Variants in TBC1D23 observed in about 807,000 individuals in gnomAD.
TBC1D23 encodes the protein HCV non-structural protein 4A-transactivated protein 1.
TBC1D23 carries 55 observed loss-of-function variants against 91.4 expected under a neutral mutation model. The observed-to-expected ratio is 0.60, with a 90% CI of 0.48 to 0.75. The LOEUF (loss-of-function observed/expected upper bound fraction) is 0.75. Among genes scored for constraint, TBC1D23 ranks in the 30% least tolerant of loss-of-function variants. TBC1D23 has a pLI of 0.00. For missense variants in TBC1D23, 725 were observed against 836.1 expected (o/e 0.87, Z 1.64); for synonymous variants, 289 against 281.0 (o/e 1.03, Z -0.28).
At position 100,268,485 on chromosome 3, in the gene TBC1D23, G is replaced by A. The variant is rs555748506; in HGVS notation, c.53+7414G>A. On this transcript the variant is annotated intron_variant, in intron 1 of 18. Coordinates refer to ENST00000394144, the MANE Select transcript of TBC1D23 (RefSeq NM_001199198.3). ...GAGAATTGTCCAAATGTTGCAAAGTGTTGTCACTTCATTTGCTGTAGTTGT... is the reference window on the plus strand; with the variant it reads ...GAGAATTGTCCAAATGTTGCAAAGTATTGTCACTTCATTTGCTGTAGTTGT... 8.5e-5 allele frequency among the ~76,000 whole-genome samples: 13 copies of A among 152,250 alleles called. No individual in the cohort carries two copies. The South Asian group carries it at 2.5e-3, about 29-fold the overall frequency.
At chr3:100,302,294 A>G in intron 11 of TBC1D23, 57 bp downstream of exon 11, 3 of 1,381,230 alleles carry the variant, frequency 2.2e-6, no homozygotes, top group Non-Finnish European at 2.9e-6. Context: ...CCTTTAAAAA[A>G]TTTACATAGA....
intron 1 of TBC1D23, among the ~76,000 whole-genome samples, chr3:100,263,652 G>A (rs570611237): frequency 6.6e-6 from 1 of 152,222 alleles, no homozygotes; most frequent in African/African-American, 2.4e-5. Context: ...CACCTTTTAA[G>A]AATCAGTGAC....
At chr3:100,270,022 T>C (rs138671611) in intron 1 of TBC1D23, among the ~76,000 whole-genome samples, 11 of 152,216 alleles carry the variant, frequency 7.2e-5, no homozygotes, top group African/African-American at 2.7e-4. Flanking sequence ...CTTACAGTGA[T>C]TTACATTCTA....
At chr3:100,272,629 T>C (rs558665861) in intron 1 of TBC1D23, among the ~76,000 whole-genome samples, 1 of 151,974 alleles carries the variant, frequency 6.6e-6, no homozygotes, top group Admixed American at 6.6e-5. Context: ...GTTCAGCATA[T>C]GGAGGATCCC....
At chr3:100,284,915 A>G (rs955911161) in intron 4 of TBC1D23, among the ~76,000 whole-genome samples, 1 of 152,178 alleles carries the variant, frequency 6.6e-6, no homozygotes, top group Non-Finnish European at 1.5e-5. Context: ...CCTAGGCATC[A>G]GTTTGTTTAG....
At chr3:100,274,473 T>G (rs1181606041) in intron 1 of TBC1D23, among the ~76,000 whole-genome samples, 1 of 152,144 alleles carries the variant, frequency 6.6e-6, no homozygotes, top group African/African-American at 2.4e-5. Context: ...TCAGTGTACA[T>G]TAGTATTGAG....
At chr3:100,323,231 T>A (rs1207115917) in intron 18 of TBC1D23, among the ~76,000 whole-genome samples, 1 of 152,198 alleles carries the variant, frequency 6.6e-6, no homozygotes, top group Non-Finnish European at 1.5e-5. Flanking sequence ...CATGTGTGAT[T>A]TTTGTAGCTA....
intron 4 of TBC1D23, among the ~76,000 whole-genome samples, chr3:100,289,821 A>G (rs539713375): frequency 3.2e-4 from 48 of 152,290 alleles, no homozygotes; most frequent in Non-Finnish European, 1.5e-5. Flanking sequence ...ATTGTGTGTT[A>G]CGGGGGTTTG....
intron 4 of TBC1D23, among the ~76,000 whole-genome samples, chr3:100,288,877 G>A (rs2067765909): frequency 6.6e-6 from 1 of 152,188 alleles, no homozygotes; most frequent in African/African-American, 2.4e-5. Flanking sequence ...AATTAACTGT[G>A]TTTTCAGTAT....
At chr3:100,302,028 C>G (rs923393262) in intron 10 of TBC1D23, 39 bp from the exon 11 acceptor site, 2 of 1,518,142 alleles carry the variant, frequency 1.3e-6, no homozygotes, top group Admixed American at 4.1e-5. Flanking sequence ...ATGTGAAACA[C>G]AGGCTTGTCA....
intron 4 of TBC1D23, 116 bp downstream of exon 4, chr3:100,283,927 G>T: frequency 1.7e-6 from 1 of 600,656 alleles, no homozygotes. Context: ...ATAATTTTGA[G>T]GATTGTTTGA....
chr3:100,303,629 T>C (rs895825793), intron 11 of TBC1D23, among the ~76,000 whole-genome samples: 2 of 151,902 alleles, frequency 1.3e-5, no homozygotes, highest in African/African-American at 4.8e-5. Flanking sequence ...ATATTAACTG[T>C]GTGTGGATGT....
At position 100,299,149 on chromosome 3, in the gene TBC1D23, T is replaced by C. The variant is rs1705368458; in HGVS notation, c.1000-90T>C. 5.1e-6 allele frequency: 4 copies of C among 779,720 alleles called. No individual in the cohort carries two copies. The South Asian group carries it at 7.2e-5, about 14-fold the overall frequency. 48.3% of individuals were successfully genotyped at this position (779,720 alleles called of 1,614,324 possible). ...TGAGATCCATTTTTTAATGAACTTG[T>C]TCCCTTTATTTGGTTAACTGTGAAT... is the stretch of plus-strand genomic sequence containing the variant. On this transcript the variant is annotated intron_variant, in intron 9 of 18. Coordinates refer to ENST00000394144, the MANE Select transcript of TBC1D23 (RefSeq NM_001199198.3).
At chr3:100,265,554 A>G (rs909514328) in intron 1 of TBC1D23, among the ~76,000 whole-genome samples, 2 of 152,246 alleles carry the variant, frequency 1.3e-5, no homozygotes, top group Admixed American at 6.5e-5. Flanking sequence ...CCTCCTTGGT[A>G]TTGAAGAAAC....
chr3:100,294,353 C>A (rs1314701223), intron 5 of TBC1D23, among the ~76,000 whole-genome samples: 3 of 151,734 alleles, frequency 2.0e-5, no homozygotes, highest in Non-Finnish European at 4.4e-5. Flanking sequence ...CTCTGCCTCC[C>A]AGGTTCAAGT....
chr3:100,313,948 G>C (rs981275796), intron 15 of TBC1D23, among the ~76,000 whole-genome samples: 1 of 151,896 alleles, frequency 6.6e-6, no homozygotes, highest in Non-Finnish European at 1.5e-5. Flanking sequence ...TATGTCACTT[G>C]TAATTTAATC....
Position 100,320,926 on chromosome 3 carries a change from A to C in TBC1D23, c.1973A>C (p.Tyr658Ser). ...CATCCTGAACTCATTACCTTCAAGTATGGAAATAGCAGTGCTTCAGGAATA... is the reference window on the plus strand; with the variant it reads ...CATCCTGAACTCATTACCTTCAAGTCTGGAAATAGCAGTGCTTCAGGAATA... ...KKHPELITFKYGNSSASGIEI... is the reference protein window; with the variant it reads ...KKHPELITFKSGNSSASGIEI... The change falls in exon 18 of 19, where the codon TAT becomes TCT. Residue 658 changes from tyrosine (Y) to serine (S), a missense_variant. Physicochemically the swap from Tyr to Ser is moderately radical, Grantham distance 144. Coordinates refer to ENST00000394144, the MANE Select transcript of TBC1D23 (RefSeq NM_001199198.3). The C allele has an allele frequency of 6.2e-7, 1 of 1,609,770 alleles. No homozygotes were observed. The highest frequency in any genetic ancestry group is 8.5e-7 in the Non-Finnish European group (1 of 1,178,676).
At chr3:100,295,489 T>C (rs553357830) in intron 7 of TBC1D23, 141 bp downstream of exon 7, 1 of 629,872 alleles carries the variant, frequency 1.6e-6, no homozygotes, top group African/African-American at 1.9e-5. Flanking sequence ...ATAAACACTC[T>C]CCAGGTACAG....
chr3:100,313,738 C>G (rs1284012959), intron 15 of TBC1D23, among the ~76,000 whole-genome samples: 1 of 152,048 alleles, frequency 6.6e-6, no homozygotes, highest in Admixed American at 6.6e-5. Context: ...ATAATCTAAT[C>G]TATATAAAAT....
Sources: allele counts gnomAD v4.1 joint callset (sites outside exome capture counted in the v4.1 genomes callset), GRCh38; gene constraint gnomAD v4.1.1; transcripts MANE v1.5; gene names NCBI Gene and HGNC (gene_info 2026-07-23, HGNC 2026-07-21).